The following TMEM200A variants were observed in gnomAD, a reference collection of about 807,000 sequenced individuals.
The protein encoded by TMEM200A is two transmembrane C.
TMEM200A carries 12 observed loss-of-function variants against 24.3 expected under a neutral mutation model. That is an observed-to-expected ratio of 0.49 (90% CI 0.32 to 0.80). The LOEUF (loss-of-function observed/expected upper bound fraction) is 0.80. Among genes scored for constraint, TMEM200A ranks in the 30% least tolerant of loss-of-function variants. TMEM200A has a pLI of 0.04. For missense variants in TMEM200A, 545 were observed against 614.4 expected, an observed-to-expected ratio of 0.89 and a Z score of 1.19; for synonymous variants, 224 against 224.4, an observed-to-expected ratio of 1.00 and a Z score of 0.02.
Position 130,383,862 on chromosome 6 carries a change from A to C in TMEM200A, c.-80-1311A>C, listed in dbSNP as rs576086097. Among the ~76,000 whole-genome samples the C allele has an allele frequency of 7.2e-5, 11 of 152,306 alleles. No homozygotes were observed. In the East Asian group the frequency reaches 1.9e-3, roughly 27 times the overall value. On this transcript the variant is annotated intron_variant, in intron 1 of 2. Coordinates refer to ENST00000296978, the MANE Select transcript of TMEM200A (RefSeq NM_001258277.2). ...GCAGGGAGCGGTGGTTCATGCCTGT[A>C]ATCCCAGCACTTTGGGAGGCTGAGA... is the stretch of plus-strand genomic sequence containing the variant.
chr6:130,440,387 C>CTT lies in TMEM200A; in HGVS notation c.-16-11_-16-10dup, dbSNP rs760191096. The CTT allele has an allele frequency of 2.2e-6, 3 of 1,341,774 alleles. No homozygotes were observed. Among genetic ancestry groups the CTT allele is most frequent in the South Asian group, 1.6e-5 (1 of 61,474 alleles). The allele number at this position is 1,341,774 out of a possible 1,614,324, so 83.1% of individuals were successfully genotyped here. On this transcript the variant is annotated intron_variant, in intron 2 of 2. Transcript: ENST00000296978. ...GGAACATATTTACATCATCTTTTTC[C>CTT]TTTTTTTTTTCTTCTTCAGAGTAAA...
chr6:130,419,576 GCATT>G (rs1355356705), intron 2 of TMEM200A, among the ~76,000 whole-genome samples: 2 of 152,114 alleles, frequency 1.3e-5, no homozygotes, highest in East Asian at 1.9e-4. Context: ...AGCCTCTCCA[GCATT>G]CATTATTTTT....
intron 2 of TMEM200A, among the ~76,000 whole-genome samples, chr6:130,411,127 C>T (rs1282443504): frequency 6.6e-6 from 1 of 151,786 alleles, no homozygotes; most frequent in Non-Finnish European, 1.5e-5. Context: ...CGAGATTGTG[C>T]CATTGCATTC....
chr6:130,436,655 T>TTTTTTTTTTTTG (rs1780025015), intron 2 of TMEM200A, among the ~76,000 whole-genome samples: 1 of 105,842 alleles, frequency 9.4e-6, no homozygotes, highest in Non-Finnish European at 1.8e-5. Context: ...TTTTTTTTTT[T>TTTTTTTTTTTTG]TTTTTTTCAG....
chr6:130,427,350 CAT>C (rs1779768641), intron 2 of TMEM200A, among the ~76,000 whole-genome samples: 1 of 152,132 alleles, frequency 6.6e-6, no homozygotes. Flanking sequence ...ATCATGTGAA[CAT>C]TTTTCATTTT....
intron 2 of TMEM200A, among the ~76,000 whole-genome samples, chr6:130,432,044 C>T (rs907940214): frequency 6.6e-6 from 1 of 152,212 alleles, no homozygotes; most frequent in Non-Finnish European, 1.5e-5. Context: ...CAGCAAAGAT[C>T]TTCAGAATGT....
chr6:130,396,897 TC>T, intron 2 of TMEM200A, among the ~76,000 whole-genome samples: 1 of 152,170 alleles, frequency 6.6e-6, no homozygotes, highest in Non-Finnish European at 1.5e-5. Context: ...TGTTTCACCC[TC>T]CTCAGAACCA....
At chr6:130,383,757 A>T (rs1373541414) in intron 1 of TMEM200A, among the ~76,000 whole-genome samples, 1 of 152,158 alleles carries the variant, frequency 6.6e-6, no homozygotes, top group Non-Finnish European at 1.5e-5. Context: ...TAATTCTGAC[A>T]AGTATTAAAA....
intron 2 of TMEM200A, among the ~76,000 whole-genome samples, chr6:130,428,072 G>T (rs76737553): frequency 6.6e-6 from 1 of 152,072 alleles, no homozygotes; most frequent in Non-Finnish European, 1.5e-5. Flanking sequence ...TATCTTAGGC[G>T]TCCCTTGAAC....
chr6:130,406,724 GTTC>G (rs1779217399), intron 2 of TMEM200A, among the ~76,000 whole-genome samples: 3 of 152,126 alleles, frequency 2.0e-5, no homozygotes, highest in African/African-American at 2.4e-5. Context: ...GTCAGAAGCA[GTTC>G]TTCTGTCTTA....
At chr6:130,379,824 G>A (rs1484845273) in intron 1 of TMEM200A, among the ~76,000 whole-genome samples, 1 of 152,132 alleles carries the variant, frequency 6.6e-6, no homozygotes, top group Non-Finnish European at 1.5e-5. Context: ...GTATGTAGTT[G>A]ATAAATAAAG....
At chr6:130,399,983 A>G (rs1418438587) in intron 2 of TMEM200A, among the ~76,000 whole-genome samples, 1 of 151,932 alleles carries the variant, frequency 6.6e-6, no homozygotes, top group Non-Finnish European at 1.5e-5. Flanking sequence ...ATAGTTTCCA[A>G]TCTCATCCAG....
intron 2 of TMEM200A, among the ~76,000 whole-genome samples, chr6:130,432,591 T>C (rs1271459675): frequency 6.6e-6 from 1 of 152,238 alleles, no homozygotes; most frequent in South Asian, 2.1e-4. Flanking sequence ...AATTACTTAG[T>C]ATATTTTTAA....
chr6:130,401,768 AT>A (rs2115134608), intron 2 of TMEM200A, among the ~76,000 whole-genome samples: 1 of 152,018 alleles, frequency 6.6e-6, no homozygotes, highest in South Asian at 2.1e-4. Flanking sequence ...GTTGTTTTAA[AT>A]GTGTAAATTT....
At chr6:130,414,209 A>C (rs140423958) in intron 2 of TMEM200A, among the ~76,000 whole-genome samples, 1 of 152,268 alleles carries the variant, frequency 6.6e-6, no homozygotes, top group East Asian at 1.9e-4. Flanking sequence ...AAGTGTGTGG[A>C]TCACTTGAGG....
At chr6:130,372,959 A>G (rs1778357474) in intron 1 of TMEM200A, among the ~76,000 whole-genome samples, 1 of 152,250 alleles carries the variant, frequency 6.6e-6, no homozygotes, top group Admixed American at 6.5e-5. Context: ...TGCAAAGAAT[A>G]TTAGAGGCCT....
At position 130,431,878 on chromosome 6, in the gene TMEM200A, C is replaced by G. The variant is rs73771836; in HGVS notation, c.-16-8529C>G. 3.2e-3 allele frequency among the ~76,000 whole-genome samples: 492 copies of G among 152,230 alleles called. 1 individual carries two copies. Among genetic ancestry groups the G allele is most frequent in the African/African-American group, 0.012 (479 of 41,526 alleles). On this transcript the variant is annotated intron_variant, in intron 2 of 2. Coordinates refer to ENST00000296978, the MANE Select transcript of TMEM200A (RefSeq NM_001258277.2). ...CTATTCCTAGCGTTTTCTGCAGGCT[C>G]AAGATGTACTTGACCATAAAGTAAT... is the stretch of plus-strand genomic sequence containing the variant.
chr6:130,421,886 A>T (rs559840215), intron 2 of TMEM200A, among the ~76,000 whole-genome samples: 6 of 152,214 alleles, frequency 3.9e-5, no homozygotes, highest in African/African-American at 1.4e-4. Flanking sequence ...AAAGCTAAGT[A>T]ATGTTTTATT....
chr6:130,395,145 A>C (rs748062596), intron 2 of TMEM200A, among the ~76,000 whole-genome samples: 3 of 152,228 alleles, frequency 2.0e-5, no homozygotes, highest in Non-Finnish European at 4.4e-5. Flanking sequence ...TGCATATAGG[A>C]TGGGAAAATT....
Sources: allele counts gnomAD v4.1 joint callset (sites outside exome capture counted in the v4.1 genomes callset), GRCh38; gene constraint gnomAD v4.1.1; transcripts MANE v1.5; gene names NCBI Gene and HGNC (gene_info 2026-07-23, HGNC 2026-07-21).